MAGI1: variants seen among roughly 807,000 people sequenced by gnomAD.
The protein encoded by MAGI1 is membrane-associated guanylate kinase, WW and PDZ domain-containing protein 1.
Under a neutral mutation model 139.9 loss-of-function variants are expected in MAGI1, and 58 were observed. The ratio of observed to expected loss-of-function variants is 0.41; its 90% confidence interval spans 0.34 to 0.52. MAGI1 has a LOEUF of 0.52. Among genes scored for constraint, MAGI1 ranks in the 20% least tolerant of loss-of-function variants. The pLI, the probability that MAGI1 is intolerant of heterozygous loss-of-function variation, is 0.12. For synonymous variants in MAGI1, 812 were observed against 737.9 expected, an observed-to-expected ratio of 1.10 and a Z score of -1.63; for missense variants, 1,874 against 1,901.6, an observed-to-expected ratio of 0.99 and a Z score of 0.27.
intron 1 of MAGI1, among the ~76,000 whole-genome samples, chr3:65,702,567 G>A (rs773605575): frequency 1.3e-4 from 19 of 151,954 alleles, no homozygotes; most frequent in Non-Finnish European, 2.5e-4. Flanking sequence ...CTCCTACCCT[G>A]GTCTTTTTGC....
chr3:65,448,067 A>G lies in MAGI1; in HGVS notation c.1043-10T>C, dbSNP rs1474344638. The G allele has an allele frequency of 6.2e-7, 1 of 1,613,828 alleles. No individual in the cohort carries two copies. Among genetic ancestry groups the G allele is most frequent in the Admixed American group, 1.7e-5 (1 of 59,982 alleles). On this transcript the variant is annotated splice_polypyrimidine_tract_variant and intron_variant, in intron 6 of 22. Transcript: ENST00000402939. The stretch of plus-strand genomic sequence containing the variant: ...TCGGTGTGTACCCCTTCTTCTCCAA[A>G]GGAATAGCAGGAATGAGACAGAAAA...
At chr3:65,377,136 G>A (rs1942614256) in intron 17 of MAGI1, among the ~76,000 whole-genome samples, 1 of 152,180 alleles carries the variant, frequency 6.6e-6, no homozygotes, top group Admixed American at 6.5e-5. Context: ...TGGACCTTAA[G>A]GGTAAAGTGT....
chr3:65,664,399 C>T (rs2086382504), intron 1 of MAGI1, among the ~76,000 whole-genome samples: 1 of 152,190 alleles, frequency 6.6e-6, no homozygotes, highest in Non-Finnish European at 1.5e-5. Flanking sequence ...CTATTGTTCT[C>T]AGATCATAAT....
chr3:65,856,148 T>C (rs1017208474), intron 1 of MAGI1, among the ~76,000 whole-genome samples: 1 of 152,186 alleles, frequency 6.6e-6, no homozygotes, highest in Non-Finnish European at 1.5e-5. Flanking sequence ...AACTAACTTA[T>C]ATTTCGATTT....
intron 1 of MAGI1, among the ~76,000 whole-genome samples, chr3:65,727,535 G>A (rs1054592795): frequency 6.6e-6 from 1 of 152,226 alleles, no homozygotes; most frequent in Admixed American, 6.5e-5. Flanking sequence ...TGGCTCTATG[G>A]GAGTTACTCC....
rs771408778 is a variant in MAGI1 at position 65,356,672 on chromosome 3, G to A, written c.4095C>T (p.Gly1365=). 15 of 1,582,870 alleles carry A rather than the reference G, an allele frequency of 9.5e-6. No individual in the cohort carries two copies. Among genetic ancestry groups the A allele is most frequent in the African/African-American group, 1.4e-5 (1 of 73,692 alleles). The change falls in exon 23 of 23, where the codon GGC becomes GGT. Residue 1365 remains glycine (G), a synonymous_variant. Transcript: ENST00000402939. ...GAGACCGTCTCCGCCGGCTGGGGGA[G>A]CCGTCTCTCCTGCGGGTGGGTGACC... ...RERSPTRRRD[G]SPSRRRRSLE... is the part of the protein sequence containing the mutation.
rs2078649603 is a variant in MAGI1, at chr3:65,530,757, GTATATATATATATATACACACA to G, written c.431-37148_431-37127del. Among the ~76,000 whole-genome samples the G allele has an allele frequency of 6.2e-4, 12 of 19,300 alleles. 2 individuals are homozygous for G. Among genetic ancestry groups the G allele is most frequent in the Non-Finnish European group, 8.3e-4 (8 of 9,598 alleles). The allele number at this position is 19,300 out of a possible 152,430, so 12.7% of individuals were successfully genotyped here. ...TATATATATGCACATATATATACACGTATATATATATATATACACACATATATATACACGTATATATATATAT... is the reference window on the plus strand; with the variant it reads ...TATATATATGCACATATATATACACGTATATATACACGTATATATATATAT... On this transcript the variant is annotated intron_variant, in intron 2 of 22. Coordinates refer to ENST00000402939, the MANE Select transcript of MAGI1 (RefSeq NM_001033057.2).
At position 65,432,663 on chromosome 3, in the gene MAGI1, G is replaced by C. The variant is rs149236650; in HGVS notation, c.1364-1782C>G. ...GCCACGCAAAGTCATCTGCCAAGGC[G>C]TTGGGAGGGTGGTGTCACTTGCACC... On this transcript the variant is annotated intron_variant, in intron 10 of 22. Coordinates refer to ENST00000402939, the MANE Select transcript of MAGI1 (RefSeq NM_001033057.2). Among the ~76,000 whole-genome samples, 16 of 152,282 alleles carry C rather than the reference G, an allele frequency of 1.1e-4. No homozygotes were observed. The East Asian group carries it at 3.1e-3, about 30-fold the overall frequency.
chr3:65,871,033 G>A (rs574875583), intron 1 of MAGI1, among the ~76,000 whole-genome samples: 1 of 152,232 alleles, frequency 6.6e-6, no homozygotes, highest in East Asian at 1.9e-4. Context: ...CTGCCTCCCG[G>A]ATTCAATTGA....
At chr3:65,505,486 T>A (rs920416229) in intron 2 of MAGI1, among the ~76,000 whole-genome samples, 7 of 151,642 alleles carry the variant, frequency 4.6e-5, no homozygotes, top group East Asian at 1.9e-4. Flanking sequence ...TCTAAAAAAA[T>A]TTTTTTAAAT....
chr3:65,994,524 T>A (rs1394654187), intron 1 of MAGI1, among the ~76,000 whole-genome samples: 1 of 152,196 alleles, frequency 6.6e-6, no homozygotes. Flanking sequence ...AATTATCTAC[T>A]GTTTTATATC....
chr3:65,849,630 C>T (rs2059138871), intron 1 of MAGI1, among the ~76,000 whole-genome samples: 2 of 151,856 alleles, frequency 1.3e-5, no homozygotes, highest in African/African-American at 2.4e-5. Flanking sequence ...TAAACTACTT[C>T]ATAAGCTGGT....
At chr3:65,505,723 A>G (rs1051473737) in intron 2 of MAGI1, among the ~76,000 whole-genome samples, 1 of 151,446 alleles carries the variant, frequency 6.6e-6, no homozygotes, top group African/African-American at 2.4e-5. Flanking sequence ...AACATTATTT[A>G]AAATTACATC....
intron 1 of MAGI1, among the ~76,000 whole-genome samples, chr3:66,021,948 C>A (rs1481134297): frequency 2.0e-5 from 3 of 152,216 alleles, no homozygotes; most frequent in Non-Finnish European, 4.4e-5. Flanking sequence ...GCTGTGCCTG[C>A]AATCTGTTAG....
chr3:65,389,325 C>T (rs970913913), intron 14 of MAGI1, among the ~76,000 whole-genome samples: 1 of 152,174 alleles, frequency 6.6e-6, no homozygotes, highest in Non-Finnish European at 1.5e-5. Flanking sequence ...GAGCAAGAGC[C>T]TTCTATTAAA....
chr3:66,020,223 T>C (rs775796613), intron 1 of MAGI1, among the ~76,000 whole-genome samples: 4 of 152,172 alleles, frequency 2.6e-5, no homozygotes, highest in Non-Finnish European at 4.4e-5. Flanking sequence ...ACGGATCACT[T>C]GAGCTCAGTT....
chr3:65,622,733 T>C (rs947958122), intron 1 of MAGI1, among the ~76,000 whole-genome samples: 1 of 151,974 alleles, frequency 6.6e-6, no homozygotes, highest in East Asian at 1.9e-4. Flanking sequence ...CTAGCTAATT[T>C]ATATATTTTT....
intron 1 of MAGI1, among the ~76,000 whole-genome samples, chr3:65,886,414 C>A (rs1027190220): frequency 6.6e-6 from 1 of 152,098 alleles, no homozygotes; most frequent in African/African-American, 2.4e-5. Flanking sequence ...ATAATAAAGG[C>A]ATGATCTTCA....
chr3:65,371,984 G>A, intron 18 of MAGI1: 1 of 361,102 alleles, frequency 2.8e-6, no homozygotes, highest in Non-Finnish European at 5.4e-6. Context: ...ATGAAGGTTG[G>A]AATCAACCTC....
Sources: gnomAD v4.1 joint callset for allele counts (sites outside exome capture counted in the v4.1 genomes callset) on GRCh38, gnomAD v4.1.1 for gene constraint, MANE v1.5 for transcripts, NCBI Gene and HGNC (gene_info 2026-07-23, HGNC 2026-07-21) for gene names.